Variants in COL6A2 observed in about 807,000 individuals in gnomAD.
The protein encoded by COL6A2 is collagen type VI alpha 2 chain, also known as collagen alpha-2(VI) chain.
Under a neutral mutation model 124.9 loss-of-function variants are expected in COL6A2, and 90 were observed. The observed-to-expected ratio is 0.72, with a 90% CI of 0.61 to 0.86. The LOEUF is 0.86. Ranked by LOEUF, COL6A2 falls within the 40% of genes least tolerant of loss-of-function variation. The probability of loss-of-function intolerance (pLI) is 0.00; values close to 1 mark genes in which losing one functional copy is unlikely to be tolerated. For missense variants in COL6A2, 1,607 were observed against 1,502.5 expected, an observed-to-expected ratio of 1.07 and a Z score of -1.15; for synonymous variants, 793 against 618.2, an observed-to-expected ratio of 1.28 and a Z score of -4.19.
chr21:46,120,614 G>T (rs567247941), intron 16 of COL6A2, 37 bp downstream of exon 16: 2 of 1,440,492 alleles, frequency 1.4e-6, no homozygotes, highest in Non-Finnish European at 1.8e-6. Context: ...CAAGGTAGGG[G>T]ATCTGAGGGG....
At chr21:46,126,579 C>G (rs996779573) in intron 27 of COL6A2, 38 bp downstream of exon 27, 4 of 1,612,392 alleles carry the variant, frequency 2.5e-6, no homozygotes, top group Admixed American at 1.7e-5. Context: ...CCCAGACTAG[C>G]AAAGCAGCCC....
chr21:46,103,560 A>G (rs1010934583), intron 1 of COL6A2, among the ~76,000 whole-genome samples: 1 of 152,142 alleles, frequency 6.6e-6, no homozygotes, highest in Admixed American at 6.5e-5. Flanking sequence ...TTTCCCCCTT[A>G]GCACTGCTTT....
intron 17 of COL6A2, 46 bp downstream of exon 17, chr21:46,121,169 G>T: frequency 1.3e-6 from 2 of 1,578,878 alleles, no homozygotes; most frequent in Non-Finnish European, 1.7e-6. Flanking sequence ...CCCACGGGTG[G>T]GTCTCCCCTA....
chr21:46,120,280 T>A (rs557871436), intron 15 of COL6A2, among the ~76,000 whole-genome samples: 14 of 152,158 alleles, frequency 9.2e-5, no homozygotes, highest in African/African-American at 3.4e-4. Context: ...GACGAGGTCC[T>A]ACCCACGTGT....
Position 46,112,483 on chromosome 21 carries a change from C to G in COL6A2, c.620C>G (p.Thr207Arg), listed in dbSNP as rs760395633. ...CAGGGCCTGCGGGACATCGCCAGCACGCCGCACGAGCTCTACCGCAACGAC... is the reference window on the plus strand; with the variant it reads ...CAGGGCCTGCGGGACATCGCCAGCAGGCCGCACGAGCTCTACCGCAACGAC... ...KEQGLRDIASTPHELYRNDYA... is the reference protein window; with the variant it reads ...KEQGLRDIASRPHELYRNDYA... Residue 207 changes from threonine to arginine, a missense_variant, in exon 3 of 28, where the codon ACG becomes AGG. Transcript: ENST00000300527. 8 of 1,611,318 alleles carry G rather than the reference C, an allele frequency of 5.0e-6. No individual in the cohort carries two copies. Among genetic ancestry groups the G allele is most frequent in the Non-Finnish European group, 6.8e-6 (8 of 1,179,790 alleles).
At chr21:46,121,693 C>G in intron 18 of COL6A2, 75 bp downstream of exon 18, 1 of 1,445,690 alleles carries the variant, frequency 6.9e-7, no homozygotes, top group African/African-American at 1.4e-5. Flanking sequence ...GGGGGCCGGC[C>G]TGGGGGACCC....
At chr21:46,124,801 C>A in intron 22 of COL6A2, 84 bp from the exon 23 acceptor site, 1 of 1,597,752 alleles carries the variant, frequency 6.3e-7, no homozygotes, top group Non-Finnish European at 8.6e-7. Flanking sequence ...ACGGTGGACC[C>A]ACGTATCAGT....
At chr21:46,123,050 C>A in intron 21 of COL6A2, 113 bp downstream of exon 21, 2 of 1,013,870 alleles carry the variant, frequency 2.0e-6, no homozygotes, top group Non-Finnish European at 3.1e-6. Context: ...TTGGCCCCAG[C>A]CATGAGCACC....
At chr21:46,131,793 G>C (rs1377387180) in intron 27 of COL6A2, among the ~76,000 whole-genome samples, 161 bp from the exon 28 acceptor site, 1 of 152,152 alleles carries the variant, frequency 6.6e-6, no homozygotes, top group Non-Finnish European at 1.5e-5. Flanking sequence ...TTGGGCTAAG[G>C]ACCCACACCC....
rs377165404 is a variant in COL6A2, at chr21:46,124,797, G to A, written c.1734+84G>A. The A allele has an allele frequency of 3.8e-6, 6 of 1,594,596 alleles. No homozygotes were observed. The African/African-American group carries it at 4.0e-5, about 11-fold the overall frequency. On this transcript the variant is annotated intron_variant, in intron 22 of 27. Coordinates refer to ENST00000300527, the MANE Select transcript of COL6A2 (RefSeq NM_001849.4). ...AAGCCTCGTGGTTCTGCCCACGGTGGACCCACGTATCAGTGGGCAGTGGCC... is the reference window on the plus strand; with the variant it reads ...AAGCCTCGTGGTTCTGCCCACGGTGAACCCACGTATCAGTGGGCAGTGGCC...
In COL6A2 at chr21:46,121,551, C is replaced by G. The variant is rs1362389378; in HGVS notation, c.1459-5C>G. 1 of 1,612,840 alleles carries G rather than the reference C, an allele frequency of 6.2e-7. No homozygotes were observed. Among genetic ancestry groups the G allele is most frequent in the Non-Finnish European group, 8.5e-7 (1 of 1,179,948 alleles). ...CTGACTTCTGAATTTCTCTCCTGCC[C>G]TCAGGGATCTCGGGGAGACCCCGGT... On this transcript the variant is annotated splice_polypyrimidine_tract_variant and splice_region_variant and intron_variant, in intron 17 of 27. Coordinates refer to ENST00000300527, the MANE Select transcript of COL6A2 (RefSeq NM_001849.4).
rs2078423990 is a variant in COL6A2, at chr21:46,112,836, T to C, written c.735+12T>C. 6.2e-7 allele frequency: 1 copy of C among 1,613,144 alleles called. No homozygotes were observed. The highest frequency in any genetic ancestry group is 1.3e-5 in the African/African-American group (1 of 74,908). On this transcript the variant is annotated intron_variant, in intron 4 of 27. Coordinates refer to ENST00000300527, the MANE Select transcript of COL6A2 (RefSeq NM_001849.4). The stretch of plus-strand genomic sequence containing the variant: ...AAGCCTACGGAGAGGTGAGTGGCGC[T>C]TCCCTTCCTGCCAGTGCTGGCCGGC...
chr21:46,123,924 G>A (rs898222035), intron 21 of COL6A2, among the ~76,000 whole-genome samples: 2 of 145,344 alleles, frequency 1.4e-5, no homozygotes, highest in Non-Finnish European at 1.5e-5. Flanking sequence ...GATAGAGGAT[G>A]GATGGTTGGG....
rs755173689 is a variant in COL6A2, at chr21:46,132,096, GGAC to G, written c.2611_2613del (p.Asp871del). On this transcript the variant is annotated inframe_deletion, in exon 28 of 28. Coordinates refer to ENST00000300527, the MANE Select transcript of COL6A2 (RefSeq NM_001849.4). ...CGCGGCGGCTGACGCTGGCCCGGAG[GGAC>G]GACGACCCTCTCAACGCACGCGTGG... is the stretch of plus-strand genomic sequence containing the variant. 2.5e-6 allele frequency: 4 copies of G among 1,595,672 alleles called. No individual in the cohort carries two copies. Among genetic ancestry groups the G allele is most frequent in the African/African-American group, 2.7e-5 (2 of 74,470 alleles).
rs1177223915 is a variant in COL6A2, at chr21:46,120,685, CGGGT to C, written c.1395+114_1395+117del. 2.8e-6 allele frequency: 3 copies of C among 1,090,184 alleles called. No homozygotes were observed. In the East Asian group the frequency reaches 7.9e-5, roughly 29 times the overall value. The allele number at this position is 1,090,184 out of a possible 1,614,324, so 67.5% of individuals were successfully genotyped here. On this transcript the variant is annotated intron_variant, in intron 16 of 27. Coordinates refer to ENST00000300527, the MANE Select transcript of COL6A2 (RefSeq NM_001849.4). ...GGACTGCACCCCAAGGTAGGGGACC[CGGGT>C]GGGTGCTGCACCCCAAGGTAAGGGG...
At chr21:46,127,196 C>T (rs867389349) in intron 27 of COL6A2, among the ~76,000 whole-genome samples, 4 of 152,124 alleles carry the variant, frequency 2.6e-5, no homozygotes, top group Admixed American at 2.0e-4. Flanking sequence ...CTCAGTGAGC[C>T]GTCCCCTCCA....
intron 12 of COL6A2, 52 bp from the exon 13 acceptor site, chr21:46,118,562 A>AC (rs1043347981): frequency 1.3e-6 from 2 of 1,582,734 alleles, no homozygotes; most frequent in African/African-American, 1.3e-5. Flanking sequence ...GGCATCCTGC[A>AC]CCCCCCTTCC....
At chr21:46,121,218 T>A in intron 17 of COL6A2, 95 bp downstream of exon 17, 1 of 1,257,938 alleles carries the variant, frequency 7.9e-7, no homozygotes, top group Non-Finnish European at 1.2e-6. Context: ...ACTGTCCCCA[T>A]AGCAAACCCA....
Position 46,126,185 on chromosome 21 carries a change from C to A in COL6A2, c.2370C>A (p.Ser790=). The change falls in exon 26 of 28, where the codon TCC becomes TCA. Residue 790 remains serine (S), a synonymous_variant. Coordinates refer to ENST00000300527, the MANE Select transcript of COL6A2 (RefSeq NM_001849.4). ...PQQVRNMTLF[S]DLVAEKFIDD... ...AGGTGCGCAACATGACGCTGTTCTC[C>A]GACCTGGTCGCTGAGAAGTTCATCG... is the stretch of plus-strand genomic sequence containing the variant. The A allele has an allele frequency of 6.2e-7, 1 of 1,605,428 alleles. No individual in the cohort carries two copies. Among genetic ancestry groups the A allele is most frequent in the Non-Finnish European group, 8.5e-7 (1 of 1,179,798 alleles).
Sources: gnomAD v4.1 joint callset for allele counts (sites outside exome capture counted in the v4.1 genomes callset) on GRCh38, gnomAD v4.1.1 for gene constraint, MANE v1.5 for transcripts, NCBI Gene and HGNC (gene_info 2026-07-23, HGNC 2026-07-21) for gene names.